Variants in NUDT6 observed in about 807,000 individuals in gnomAD.
NUDT6 encodes the protein nudix hydrolase 6.
Under a neutral mutation model 36.8 loss-of-function variants are expected in NUDT6, and 24 were observed. The observed-to-expected ratio is 0.65, with a 90% CI of 0.47 to 0.92. The LOEUF (loss-of-function observed/expected upper bound fraction) is 0.92. Ranked by LOEUF, NUDT6 falls within the 40% of genes least tolerant of loss-of-function variation. NUDT6 has a pLI of 0.00. For synonymous variants in NUDT6, 163 were observed against 157.0 expected (o/e 1.04, Z -0.29); for missense variants, 388 against 392.8 (o/e 0.99, Z 0.10).
At chr4:122,895,498 C>T (rs914763970) in intron 4 of NUDT6, 4 of 152,074 alleles carry the variant, frequency 2.6e-5, no homozygotes, top group African/African-American at 9.7e-5. Context: ...TGGTGTTTCC[C>T]TCTGACTCTA....
chr4:122,907,151 A>G (rs932961567), intron 3 of NUDT6, among the ~76,000 whole-genome samples: 1 of 152,048 alleles, frequency 6.6e-6, no homozygotes, highest in African/African-American at 2.4e-5. Context: ...CTTTTTTTTG[A>G]GACGAGTCTC....
chr4:122,906,124 A>G (rs1288044492), intron 3 of NUDT6, among the ~76,000 whole-genome samples: 1 of 152,190 alleles, frequency 6.6e-6, no homozygotes, highest in African/African-American at 2.4e-5. Flanking sequence ...GACACTTGTC[A>G]AACTCTATTC....
At chr4:122,905,949 G>C (rs1027535045) in intron 3 of NUDT6, among the ~76,000 whole-genome samples, 2 of 152,176 alleles carry the variant, frequency 1.3e-5, no homozygotes, top group East Asian at 3.8e-4. Flanking sequence ...ATCTTTTGCA[G>C]AGCCCTCAGG....
intron 1 of NUDT6, chr4:122,920,076 T>C (rs1439203972): frequency 6.6e-6 from 1 of 152,220 alleles, no homozygotes; most frequent in African/African-American, 2.4e-5. Context: ...AAAACATCAA[T>C]AGTTCATGTT....
chr4:122,922,930 TC>T (rs1728136214), upstream of NUDT6: 3 of 613,702 alleles, frequency 4.9e-6, no homozygotes, highest in Non-Finnish European at 8.5e-6. Flanking sequence ...GAACCTATCT[TC>T]TTTCACAGAT....
chr4:122,910,967 C>G (rs1727721311), intron 3 of NUDT6, among the ~76,000 whole-genome samples: 1 of 152,182 alleles, frequency 6.6e-6, no homozygotes, highest in African/African-American at 2.4e-5. Flanking sequence ...ACTTAGAAGA[C>G]AGTAAAACCC....
intron 3 of NUDT6, among the ~76,000 whole-genome samples, chr4:122,902,654 G>T (rs2150802596): frequency 6.6e-6 from 1 of 152,306 alleles, no homozygotes; most frequent in East Asian, 1.9e-4. Flanking sequence ...GTATGTATAA[G>T]AACTCAGTAA....
rs546803919 is a variant in NUDT6 at position 122,922,441 on chromosome 4, G to C, written c.132C>G (p.Cys44Trp). 4 of 1,611,942 alleles carry C rather than the reference G, an allele frequency of 2.5e-6. No individual in the cohort carries two copies. In the East Asian group the frequency reaches 6.7e-5, roughly 27 times the overall value. Residue 44 changes from cysteine (C) to tryptophan (W), a missense_variant, in exon 1 of 5, where the codon TGC (cysteine) becomes TGG (tryptophan). Cys to Trp is a radical substitution (Grantham distance 215, BLOSUM62 -2). Coordinates refer to ENST00000304430, the MANE Select transcript of NUDT6 (RefSeq NM_007083.5). Reference sequence around the variant, plus strand: ...ATCTGTCCAGCTCGCCCTGCAGATCGCACGCTCCAACTGGCGGATTCCGCA... The same window carrying C: ...ATCTGTCCAGCTCGCCCTGCAGATCCCACGCTCCAACTGGCGGATTCCGCA... ...GYVRNPPVGA[C>W]DLQGELDRFG...
intron 3 of NUDT6, among the ~76,000 whole-genome samples, chr4:122,906,109 C>T (rs1227943017): frequency 6.6e-6 from 1 of 152,140 alleles, no homozygotes; most frequent in East Asian, 1.9e-4. Context: ...TTGGCTTTGA[C>T]ATAGGACACT....
Position 122,912,529 on chromosome 4 carries a change from A to T in NUDT6, c.498+39T>A, listed in dbSNP as rs771709140. ...TTTTATTCTTCTCTAGAAAGAAATA[A>T]ACATTTAGGAAGCAATTTATAAAAC... On this transcript the variant is annotated intron_variant, in intron 3 of 4. Transcript: ENST00000304430. 7 of 1,395,800 alleles carry T rather than the reference A, an allele frequency of 5.0e-6. No individual in the cohort carries two copies. The Admixed American group carries it at 1.2e-4, about 24-fold the overall frequency. 86.5% of individuals were successfully genotyped at this position (1,395,800 alleles called of 1,614,324 possible). A position where few individuals can be genotyped will look rare whatever the true frequency, so the allele number is the denominator to read the frequency against.
At chr4:122,905,131 C>T (rs1227073051) in intron 3 of NUDT6, among the ~76,000 whole-genome samples, 4 of 152,174 alleles carry the variant, frequency 2.6e-5, no homozygotes, top group African/African-American at 9.7e-5. Context: ...GTCCATTTTA[C>T]AGAGCAGTGA....
chr4:122,912,131 G>A (rs909403140), intron 3 of NUDT6, among the ~76,000 whole-genome samples: 2 of 152,134 alleles, frequency 1.3e-5, no homozygotes, highest in African/African-American at 4.8e-5. Context: ...TTCAGGCAAA[G>A]TTAATTGCTG....
intron 3 of NUDT6, 144 bp from the exon 4 acceptor site, chr4:122,897,822 A>G: frequency 3.2e-6 from 2 of 627,748 alleles, no homozygotes; most frequent in Non-Finnish European, 2.9e-6. Context: ...TCTAGCTTCC[A>G]TCCTTTCTCC....
intron 3 of NUDT6, 88 bp downstream of exon 3, chr4:122,912,480 C>T: frequency 1.1e-6 from 1 of 893,850 alleles, no homozygotes. Context: ...TCTATAACCC[C>T]TTAGGCATAT....
At chr4:122,898,892 A>G (rs1235476388) in intron 3 of NUDT6, among the ~76,000 whole-genome samples, 1 of 151,874 alleles carries the variant, frequency 6.6e-6, no homozygotes, top group African/African-American at 2.4e-5. Context: ...AATTCCATTT[A>G]CTTTTTGAGA....
chr4:122,922,940 A>G (rs1728136590), upstream of NUDT6: 1 of 625,550 alleles, frequency 1.6e-6, no homozygotes, highest in African/African-American at 1.8e-5. Context: ...TCTTTCACAG[A>G]TGCCGTTACA....
rs1727830836 is a variant in NUDT6 at position 122,915,948 on chromosome 4, A to G, written c.442+1553T>C. On this transcript the variant is annotated intron_variant, in intron 2 of 4. Transcript: ENST00000304430. Reference sequence around the variant, plus strand: ...CTTGAAAAGCCTTGAAAAGCAAACTACCTTAAAAACTCTTGTAAATTATAT... The same window carrying G: ...CTTGAAAAGCCTTGAAAAGCAAACTGCCTTAAAAACTCTTGTAAATTATAT... Among the ~76,000 whole-genome samples, 3 of 152,190 alleles carry G rather than the reference A, an allele frequency of 2.0e-5. No individual in the cohort carries two copies. In the South Asian group the frequency reaches 6.2e-4, roughly 31 times the overall value.
upstream of NUDT6, chr4:122,922,931 C>CT: frequency 1.6e-6 from 1 of 615,126 alleles, no homozygotes; most frequent in Non-Finnish European, 2.8e-6. Context: ...AACCTATCTT[C>CT]TTTCACAGAT....
chr4:122,911,038 T>C (rs58713775), intron 3 of NUDT6, among the ~76,000 whole-genome samples: 6,763 of 152,272 alleles, frequency 0.044, 488 homozygotes, highest in African/African-American at 0.15. Flanking sequence ...GTTTTAAACA[T>C]AACAAAAGAA....
Sources: allele counts gnomAD v4.1 joint callset (sites outside exome capture counted in the v4.1 genomes callset), GRCh38; gene constraint gnomAD v4.1.1; transcripts MANE v1.5; gene names NCBI Gene and HGNC (gene_info 2026-07-23, HGNC 2026-07-21).